The following COL5A1 variants were observed in gnomAD, a reference collection of about 807,000 sequenced individuals.
COL5A1 encodes collagen alpha-1(V) chain.
A neutral mutation model predicts 263.7 loss-of-function variants in COL5A1; 16 were observed. The ratio of observed to expected loss-of-function variants is 0.06; its 90% CI spans 0.04 to 0.09. The LOEUF (loss-of-function observed/expected upper bound fraction) is 0.09, where lower values mean the gene tolerates loss of function less well. Among genes scored for constraint, COL5A1 ranks in the 10% least tolerant of loss-of-function variants. The pLI is 1.00. For synonymous variants in COL5A1, 1,012 were observed against 1,004.5 expected (o/e 1.01, Z -0.14); for missense variants, 2,036 against 2,540.5 (o/e 0.80, Z 4.27).
Position 134,731,679 on chromosome 9 carries a change from C to T in COL5A1, c.1332+16C>T, listed in dbSNP as rs570043711. The T allele has an allele frequency of 2.2e-5, 35 of 1,603,070 alleles. No homozygotes were observed. In the South Asian group the frequency reaches 3.1e-4, roughly 14 times the overall value. On this transcript the variant is annotated intron_variant, in intron 8 of 65. Transcript: ENST00000371817. ...CTATGAAGGGGTGAGAGGGTGCAGG[C>T]CCCCGTTCCGGGTGGGGTTGGGGGG... is the stretch of plus-strand genomic sequence containing the variant.
At chr9:134,657,067 G>C (rs1180820666) in intron 1 of COL5A1, among the ~76,000 whole-genome samples, 2 of 23,280 alleles carry the variant, frequency 8.6e-5, no homozygotes, top group African/African-American at 1.8e-4. Context: ...GGTGGGGCAG[G>C]GGGTGTAGTT....
chr9:134,645,206 G>C (rs1474391076), intron 1 of COL5A1, among the ~76,000 whole-genome samples: 1 of 152,222 alleles, frequency 6.6e-6, no homozygotes, highest in Non-Finnish European at 1.5e-5. Context: ...GCTCCTGCGG[G>C]GCTGGCCAGA....
At position 134,821,223 on chromosome 9, in the gene COL5A1, G is replaced by A. The variant is rs56713000; in HGVS notation, c.4555-874G>A. On this transcript the variant is annotated intron_variant, in intron 58 of 65. Coordinates refer to ENST00000371817, the MANE Select transcript of COL5A1 (RefSeq NM_000093.5). This position sits in a 1 kb window ranked among gnomAD's most constrained non-coding sequence, Gnocchi z 4.2. ...ATCCAGGGTCCCCACGGCCAGCGGG[G>A]AAAGCACCCCTGTGTCCACCCTGTT... is the stretch of plus-strand genomic sequence containing the variant. Among the ~76,000 whole-genome samples the A allele has an allele frequency of 0.047, 7,130 of 151,624 alleles. 539 individuals carry two copies. Among genetic ancestry groups the A allele is most frequent in the African/African-American group, 0.16 (6,714 of 41,424 alleles).
intron 1 of COL5A1, among the ~76,000 whole-genome samples, chr9:134,685,139 A>C: frequency 2.0e-4 from 18 of 90,720 alleles, no homozygotes; most frequent in Admixed American, 5.2e-4. Flanking sequence ...TCCATCCATC[A>C]TCCTCCCATT....
intron 11 of COL5A1, among the ~76,000 whole-genome samples, chr9:134,744,784 CACAT>C (rs1442370307): frequency 6.6e-6 from 1 of 152,092 alleles, no homozygotes; most frequent in Non-Finnish European, 1.5e-5. Context: ...TACATGCACA[CACAT>C]ACACCCACAC....
At chr9:134,820,566 A>T (rs902168091) in intron 58 of COL5A1, among the ~76,000 whole-genome samples, 4 of 152,184 alleles carry the variant, frequency 2.6e-5, no homozygotes, top group Non-Finnish European at 4.4e-5. Flanking sequence ...CTTGCCCAGG[A>T]GGTCACTGGT....
intron 9 of COL5A1, 69 bp from the exon 10 acceptor site, chr9:134,738,405 C>T (rs1206025838): frequency 7.0e-6 from 11 of 1,582,278 alleles, no homozygotes; most frequent in Non-Finnish European, 9.5e-6. Context: ...AGGCCGTCCA[C>T]ACCACTGGGG....
chr9:134,675,523 T>C (rs1008368079), intron 1 of COL5A1, among the ~76,000 whole-genome samples: 5 of 152,228 alleles, frequency 3.3e-5, no homozygotes, highest in Non-Finnish European at 7.3e-5. Flanking sequence ...TGCCTGTTCT[T>C]TTTTGTTGTT....
intron 9 of COL5A1, among the ~76,000 whole-genome samples, chr9:134,737,214 C>A (rs183648279): frequency 6.6e-6 from 1 of 152,212 alleles, no homozygotes; most frequent in East Asian, 1.9e-4. Flanking sequence ...ACGTGGAGGG[C>A]GCCATGGCCG....
At chr9:134,816,572 T>C (rs755919887) in intron 52 of COL5A1, among the ~76,000 whole-genome samples, 2 of 152,234 alleles carry the variant, frequency 1.3e-5, no homozygotes, top group Non-Finnish European at 2.9e-5. Flanking sequence ...AAAGGCCATG[T>C]CACTGAGTTG....
At chr9:134,728,278 G>A (rs889211535) in intron 5 of COL5A1, among the ~76,000 whole-genome samples, 14 of 152,254 alleles carry the variant, frequency 9.2e-5, no homozygotes, top group Non-Finnish European at 1.8e-4. Context: ...AGCCCTACCC[G>A]TGGGGTCCCT....
chr9:134,770,024 T>A (rs1836820199), intron 25 of COL5A1, among the ~76,000 whole-genome samples: 1 of 152,182 alleles, frequency 6.6e-6, no homozygotes, highest in Non-Finnish European at 1.5e-5. Flanking sequence ...GCCTTTAAGG[T>A]GTCCCTTCCC....
chr9:134,766,943 G>A, intron 22 of COL5A1, 57 bp from the exon 23 acceptor site: 7 of 1,515,434 alleles, frequency 4.6e-6, no homozygotes, highest in Non-Finnish European at 6.4e-6. Flanking sequence ...ACGACACCCA[G>A]GAAGGGGATA....
At chr9:134,731,775 GT>G in intron 8 of COL5A1, 112 bp downstream of exon 8, 1 of 1,205,972 alleles carries the variant, frequency 8.3e-7, no homozygotes, top group Non-Finnish European at 1.2e-6. Flanking sequence ...CAGCTCAAGT[GT>G]TACACCCTAT....
intron 11 of COL5A1, among the ~76,000 whole-genome samples, chr9:134,739,688 C>A (rs911400281): frequency 6.6e-6 from 1 of 152,126 alleles, no homozygotes; most frequent in Non-Finnish European, 1.5e-5. Context: ...TGCAGCAGTG[C>A]TCAGGAAAGG....
intron 37 of COL5A1, among the ~76,000 whole-genome samples, chr9:134,799,953 AC>A (rs1838047218): frequency 6.6e-6 from 1 of 152,038 alleles, no homozygotes. Context: ...GCCTTCTGCC[AC>A]CCCGGCCACC....
intron 4 of COL5A1, among the ~76,000 whole-genome samples, chr9:134,706,679 C>A (rs547384605): frequency 6.6e-6 from 1 of 152,322 alleles, no homozygotes; most frequent in African/African-American, 2.4e-5. Context: ...TGGAAGGGAT[C>A]CCGGGGACCA....
intron 32 of COL5A1, among the ~76,000 whole-genome samples, chr9:134,793,276 C>T (rs770787162): frequency 1.3e-5 from 2 of 152,044 alleles, no homozygotes; most frequent in African/African-American, 2.4e-5. Flanking sequence ...TCTCAAGCTG[C>T]GTTTGGCTTC....
chr9:134,803,908 C>T (rs541871020), intron 39 of COL5A1, among the ~76,000 whole-genome samples: 25 of 152,112 alleles, frequency 1.6e-4, no homozygotes, highest in Non-Finnish European at 2.6e-4. Flanking sequence ...GAAAAGCAAA[C>T]GTGTTTTTAT....
Sources: allele counts gnomAD v4.1 joint callset (sites outside exome capture counted in the v4.1 genomes callset), GRCh38; gene constraint gnomAD v4.1.1; non-coding constraint Gnocchi (gnomAD v3.1); transcripts MANE v1.5; gene names NCBI Gene and HGNC (gene_info 2026-07-23, HGNC 2026-07-21).